The following PFKP variants were observed in gnomAD, a reference collection of about 807,000 sequenced individuals.
The protein encoded by PFKP is ATP-dependent 6-phosphofructokinase, platelet type.
In PFKP, 101 loss-of-function variants were observed where a neutral mutation model predicts 94.3. That is an observed-to-expected ratio of 1.07 (90% confidence interval 0.91 to 1.26). The LOEUF (loss-of-function observed/expected upper bound fraction) is 1.26. PFKP is among the 50% of genes most tolerant of loss of function. The probability of loss-of-function intolerance (pLI) is 0.00; values close to 1 mark genes in which losing one functional copy is unlikely to be tolerated. For missense variants in PFKP, 1,145 were observed against 1,103.3 expected, an observed-to-expected ratio of 1.04 and a Z score of -0.53; for synonymous variants, 573 against 432.6, an observed-to-expected ratio of 1.32 and a Z score of -4.03.
In PFKP at chr10:3,099,266, C is replaced by G; in HGVS notation, c.187-9C>G. ...CTCATTTTTAAAAGATTCTCCCTTTCTCCCCTAGGGCTACCAGGGCATGGT... is the reference window on the plus strand; with the variant it reads ...CTCATTTTTAAAAGATTCTCCCTTTGTCCCCTAGGGCTACCAGGGCATGGT... On this transcript the variant is annotated splice_polypyrimidine_tract_variant and intron_variant, in intron 2 of 21. Transcript: ENST00000381125. The G allele has an allele frequency of 1.2e-6, 2 of 1,605,654 alleles. No individual in the cohort carries two copies. Among genetic ancestry groups the G allele is most frequent in the Non-Finnish European group, 1.7e-6 (2 of 1,172,506 alleles).
At chr10:3,134,604 G>T (rs1408830448) in intron 20 of PFKP, 22 bp downstream of exon 20, 2 of 1,495,910 alleles carry the variant, frequency 1.3e-6, no homozygotes, top group Middle Eastern at 1.8e-4. Flanking sequence ...GGGGAGGGAG[G>T]CCACAGCCTC....
At chr10:3,129,536 C>A (rs544730911) in intron 16 of PFKP, 14 of 430,286 alleles carry the variant, frequency 3.3e-5, no homozygotes, top group South Asian at 8.9e-5. Context: ...CCGTCCCCTT[C>A]TATGGGGCCT....
intron 2 of PFKP, among the ~76,000 whole-genome samples, chr10:3,088,434 AAGAT>A (rs1428152656): frequency 6.6e-6 from 1 of 151,984 alleles, no homozygotes; most frequent in East Asian, 1.9e-4. Flanking sequence ...CTTTAATTCT[AAGAT>A]AGAAAACACA....
Position 3,136,548 on chromosome 10 carries a change from A to G in PFKP, c.2324A>G (p.Gln775Arg). ...AGCTATGACGTGTCGGACTCAGGCC[A>G]GCTGGAACATGTGCAGCCCTGGAGT... The part of the protein sequence containing the change: ...KASYDVSDSG[Q>R]LEHVQPWSV Residue 775 changes from glutamine (Q) to arginine (R), a missense_variant, in exon 22 of 22, where the codon CAG (glutamine) becomes CGG (arginine). This residue lies in a region of PFKP where 20 missense variants were observed against 19.6 expected (regional missense o/e 1.02). Coordinates refer to ENST00000381125, the MANE Select transcript of PFKP (RefSeq NM_002627.5). The G allele has an allele frequency of 6.2e-7, 1 of 1,613,744 alleles. No individual in the cohort carries two copies. Among genetic ancestry groups the G allele is most frequent in the Non-Finnish European group, 8.5e-7 (1 of 1,179,798 alleles).
intron 1 of PFKP, among the ~76,000 whole-genome samples, chr10:3,071,292 A>G (rs2131370675): frequency 6.6e-6 from 1 of 152,298 alleles, no homozygotes; most frequent in Non-Finnish European, 1.5e-5. Flanking sequence ...ATTATAAGAT[A>G]CAATTGAAAA....
intron 2 of PFKP, among the ~76,000 whole-genome samples, chr10:3,086,570 A>G (rs1472347154): frequency 2.0e-5 from 3 of 152,302 alleles, no homozygotes; most frequent in African/African-American, 4.8e-5. Context: ...CGCACATCCT[A>G]CGATGGACAG....
chr10:3,071,251 T>C (rs535279252), intron 1 of PFKP, among the ~76,000 whole-genome samples: 1 of 152,226 alleles, frequency 6.6e-6, no homozygotes, highest in East Asian at 1.9e-4. Flanking sequence ...TGGGCTGCTT[T>C]TTCTTCTCTC....
intron 2 of PFKP, among the ~76,000 whole-genome samples, chr10:3,095,071 G>A (rs1046009842): frequency 1.3e-5 from 2 of 152,032 alleles, no homozygotes. Flanking sequence ...GAAGAATTCA[G>A]GAAATCAGAT....
At chr10:3,109,169 T>A (rs918614296) in intron 9 of PFKP, among the ~76,000 whole-genome samples, 186 bp from the exon 10 acceptor site, 1 of 152,184 alleles carries the variant, frequency 6.6e-6, no homozygotes, top group Non-Finnish European at 1.5e-5. Flanking sequence ...TGCCCTGACC[T>A]CCTCTCTGTT....
At chr10:3,067,737 G>C in intron 1 of PFKP, 30 bp downstream of exon 1, 2 of 1,251,028 alleles carry the variant, frequency 1.6e-6, no homozygotes, top group Non-Finnish European at 2.2e-6. Context: ...CGGCGAGGGA[G>C]GGACGGACGG....
Position 3,067,549 on chromosome 10 carries a change from T to C in PFKP, c.-47T>C, listed in dbSNP as rs1396071779. 9.5e-7 allele frequency: 1 copy of C among 1,052,474 alleles called. No homozygotes were observed. The highest frequency in any genetic ancestry group is 2.3e-4 in the Middle Eastern group (1 of 4,312). The allele number at this position is 1,052,474 out of a possible 1,614,324, so 65.2% of individuals were successfully genotyped here. A position where few individuals can be genotyped will look rare whatever the true frequency, so the allele number is the denominator to read the frequency against. On this transcript the variant is annotated 5_prime_UTR_variant, in exon 1 of 22. Transcript: ENST00000381125. ...CAGGCGCGCGCGGGCAGGGTCCCCA[T>C]TGCCTGCTGCGCACCCGGACGTGCG...
intron 3 of PFKP, 44 bp from the exon 4 acceptor site, chr10:3,101,319 GCT>G (rs774778384): frequency 2.7e-6 from 4 of 1,459,732 alleles, no homozygotes; most frequent in East Asian, 2.5e-5. Flanking sequence ...TCCACCTGGC[GCT>G]CTCTCAGACT....
At chr10:3,098,672 C>CAAAAAAAAAAAAAAAAAAAAAAAAAAAAA (rs5782682) in intron 2 of PFKP, among the ~76,000 whole-genome samples, 4 of 107,184 alleles carry the variant, frequency 3.7e-5, no homozygotes, top group African/African-American at 1.5e-4. Context: ...GACTCCGTCT[C>CAAAAAAAAAAAAAAAAAAAAAAAAAAAAA]AAAAAAAAAA....
intron 1 of PFKP, among the ~76,000 whole-genome samples, chr10:3,077,356 G>A (rs1832695150): frequency 7.1e-6 from 1 of 140,894 alleles, no homozygotes; most frequent in Non-Finnish European, 1.5e-5. Flanking sequence ...CCACCTCCCG[G>A]GTTCAAGCGA....
At chr10:3,117,141 G>T (rs901259156) in intron 14 of PFKP, among the ~76,000 whole-genome samples, 2 of 152,210 alleles carry the variant, frequency 1.3e-5, no homozygotes, top group East Asian at 1.9e-4. Context: ...CCACTTGGAG[G>T]TCATAAAGAT....
At chr10:3,111,257 C>T (rs1836207217) in intron 10 of PFKP, among the ~76,000 whole-genome samples, 1 of 150,196 alleles carries the variant, frequency 6.7e-6, no homozygotes, top group Middle Eastern at 3.5e-3. Flanking sequence ...TGCATGTTGG[C>T]ATGAGTGTGA....
rs760643538 is a variant in PFKP, at chr10:3,101,352, G to A, written c.265-13G>A. The A allele has an allele frequency of 6.4e-7, 1 of 1,567,288 alleles. No homozygotes were observed. The highest frequency in any genetic ancestry group is 8.7e-7 in the Non-Finnish European group (1 of 1,155,690). On this transcript the variant is annotated splice_polypyrimidine_tract_variant and intron_variant, in intron 3 of 21. Transcript: ENST00000381125. ...AGACTGAGAGGAGATAAATTAGCTGGTGTCTTTCCCAGGGCGGGACGATCA... is the reference window on the plus strand; with the variant it reads ...AGACTGAGAGGAGATAAATTAGCTGATGTCTTTCCCAGGGCGGGACGATCA...
At chr10:3,087,107 G>A (rs535567814) in intron 2 of PFKP, among the ~76,000 whole-genome samples, 432 of 152,268 alleles carry the variant, frequency 2.8e-3, no homozygotes, top group Non-Finnish European at 3.9e-3. Context: ...TGAGTAGCTG[G>A]GATTACGTGC....
chr10:3,104,111 T>C (rs1434743912), intron 5 of PFKP, among the ~76,000 whole-genome samples, 167 bp downstream of exon 5: 1 of 152,254 alleles, frequency 6.6e-6, no homozygotes, highest in South Asian at 2.1e-4. Flanking sequence ...GGTCTACTTT[T>C]CATTTTTAAT....
Sources: gnomAD v4.1 joint callset for allele counts (sites outside exome capture counted in the v4.1 genomes callset) on GRCh38, gnomAD v4.1.1 for gene constraint, gnomAD v4.1.1 regional missense constraint, MANE v1.5 for transcripts, NCBI Gene and HGNC (gene_info 2026-07-23, HGNC 2026-07-21) for gene names.